Variants in CFAP20DC observed in about 807,000 individuals in gnomAD.
CFAP20DC encodes the protein CFAP20 domain containing.
A neutral mutation model predicts 101.7 loss-of-function variants in CFAP20DC; 84 were observed. The ratio of observed to expected loss-of-function variants is 0.83; its 90% CI spans 0.69 to 0.99. The LOEUF (loss-of-function observed/expected upper bound fraction) is 0.99, where lower values mean the gene tolerates loss of function less well. Ranked by LOEUF, CFAP20DC falls within the 50% of genes least tolerant of loss-of-function variation. The pLI is 0.00. For synonymous variants in CFAP20DC, 359 were observed against 351.2 expected (o/e 1.02, Z -0.25); for missense variants, 1,007 against 970.3 (o/e 1.04, Z -0.50).
intron 15 of CFAP20DC, among the ~76,000 whole-genome samples, chr3:58,764,167 G>C (rs2070013929): frequency 6.6e-6 from 1 of 152,202 alleles, no homozygotes. Context: ...GCCTCCGTGA[G>C]CTGCAGTGGG....
chr3:58,995,764 GCTCT>G (rs981148347), intron 4 of CFAP20DC, among the ~76,000 whole-genome samples: 1 of 152,144 alleles, frequency 6.6e-6, no homozygotes, highest in African/African-American at 2.4e-5. Context: ...GGGAGAATTT[GCTCT>G]CTCTGTCTTT....
intron 3 of CFAP20DC, among the ~76,000 whole-genome samples, chr3:58,734,217 T>C (rs1482338753): frequency 1.3e-5 from 2 of 152,242 alleles, no homozygotes; most frequent in Non-Finnish European, 2.9e-5. Context: ...ATGAGGCCTC[T>C]CAGCCATGCT....
At chr3:58,751,644 A>G (rs1388266847) in intron 16 of CFAP20DC, among the ~76,000 whole-genome samples, 1 of 152,166 alleles carries the variant, frequency 6.6e-6, no homozygotes, top group African/African-American at 2.4e-5. Flanking sequence ...ATAATATTTC[A>G]ACTCCTGGTT....
At chr3:58,976,731 T>G (rs1457447289) in intron 4 of CFAP20DC, among the ~76,000 whole-genome samples, 1 of 152,196 alleles carries the variant, frequency 6.6e-6, no homozygotes, top group Non-Finnish European at 1.5e-5. Context: ...TGCATGGGTT[T>G]TCTCTGTGCA....
intron 3 of CFAP20DC, among the ~76,000 whole-genome samples, chr3:59,041,059 T>G (rs1699333112): frequency 6.6e-6 from 1 of 152,080 alleles, no homozygotes; most frequent in Non-Finnish European, 1.5e-5. Context: ...TGAGGCCAAC[T>G]TAAATAAACC....
chr3:58,931,921 G>A lies in CFAP20DC; in HGVS notation c.393+5727C>T, dbSNP rs1003323043. ...CTCCAGCAACGGAACAAAGCTGGAC[G>A]GAGAATGACTTTGACGAGTTGAGGA... On this transcript the variant is annotated intron_variant, in intron 5 of 16. Coordinates refer to ENST00000482387, the MANE Select transcript of CFAP20DC (RefSeq NM_001394063.1). Among the ~76,000 whole-genome samples the A allele has an allele frequency of 4.6e-5, 7 of 152,240 alleles. No individual in the cohort carries two copies. In the South Asian group the frequency reaches 6.2e-4, roughly 14 times the overall value.
At chr3:58,811,833 T>C (rs1174363644) in intron 14 of CFAP20DC, among the ~76,000 whole-genome samples, 1 of 149,638 alleles carries the variant, frequency 6.7e-6, no homozygotes, top group Non-Finnish European at 1.5e-5. Flanking sequence ...ATCCAGAATC[T>C]ACAATGAGCC....
intron 15 of CFAP20DC, among the ~76,000 whole-genome samples, chr3:58,770,951 C>T (rs957898734): frequency 1.3e-5 from 2 of 152,194 alleles, no homozygotes; most frequent in South Asian, 2.1e-4. Flanking sequence ...CACATGCCCA[C>T]GTATGTTTAT....
At chr3:58,998,966 C>T (rs1301607055) in intron 4 of CFAP20DC, among the ~76,000 whole-genome samples, 1 of 152,218 alleles carries the variant, frequency 6.6e-6, no homozygotes, top group African/African-American at 2.4e-5. Flanking sequence ...AGCTGGTGGA[C>T]AGTTAAACTC....
chr3:58,950,520 G>C (rs1236282278), intron 4 of CFAP20DC, among the ~76,000 whole-genome samples: 1 of 152,134 alleles, frequency 6.6e-6, no homozygotes, highest in Non-Finnish European at 1.5e-5. Context: ...ACACTACAAG[G>C]CTACAGTAAC....
At chr3:58,759,853 G>T (rs558449548) in intron 15 of CFAP20DC, among the ~76,000 whole-genome samples, 5 of 152,062 alleles carry the variant, frequency 3.3e-5, no homozygotes, top group African/African-American at 7.2e-5. Context: ...GTAGATATGC[G>T]GCATTATTTC....
intron 5 of CFAP20DC, among the ~76,000 whole-genome samples, chr3:58,920,242 C>T (rs553514188): frequency 4.1e-4 from 62 of 151,960 alleles, no homozygotes; most frequent in Non-Finnish European, 6.6e-4. Context: ...AGCCATAAGC[C>T]AACATGTCTG....
At chr3:58,794,704 T>C (rs543948247) in intron 15 of CFAP20DC, among the ~76,000 whole-genome samples, 9 of 152,350 alleles carry the variant, frequency 5.9e-5, no homozygotes, top group South Asian at 2.1e-4. Context: ...TGATTTCTCC[T>C]GAGCCAGGCT....
chr3:58,796,110 T>C (rs920117901), intron 15 of CFAP20DC, among the ~76,000 whole-genome samples: 3 of 152,174 alleles, frequency 2.0e-5, no homozygotes, highest in East Asian at 1.9e-4. Flanking sequence ...GGGATACAAT[T>C]TGAGCAAACT....
chr3:58,790,290 C>T (rs1219491745), intron 15 of CFAP20DC, among the ~76,000 whole-genome samples: 4 of 152,092 alleles, frequency 2.6e-5, no homozygotes, highest in African/African-American at 9.7e-5. Context: ...TGTATTTATT[C>T]TCAGTTGTAT....
intron 4 of CFAP20DC, among the ~76,000 whole-genome samples, chr3:58,984,198 C>A (rs938780893): frequency 5.9e-5 from 9 of 152,158 alleles, no homozygotes; most frequent in African/African-American, 2.2e-4. Context: ...TAGATAAAAC[C>A]TTTCTTTTGA....
intron 15 of CFAP20DC, among the ~76,000 whole-genome samples, chr3:58,761,884 G>A (rs946330974): frequency 2.0e-5 from 3 of 152,228 alleles, no homozygotes; most frequent in African/African-American, 7.2e-5. Flanking sequence ...TAGTTTGATT[G>A]CACTGTGGTC....
chr3:58,795,957 G>A lies in CFAP20DC; in HGVS notation c.2237+10438C>T, dbSNP rs539986472. Among the ~76,000 whole-genome samples, 6 of 152,294 alleles carry A rather than the reference G, an allele frequency of 3.9e-5. No homozygotes were observed. The East Asian group carries it at 1.2e-3, about 29-fold the overall frequency. On this transcript the variant is annotated intron_variant, in intron 15 of 16. Transcript: ENST00000482387. This position sits in a 1 kb window ranked among gnomAD's most constrained non-coding sequence, Gnocchi z 4.2. ...TCAACTAAGGAAACTGGAGGGTGGG[G>A]TTAGCTGATGCTCAGGCAGGCGGGT...
Position 58,805,173 on chromosome 3 carries a change from G to A in CFAP20DC, c.2237+1222C>T, listed in dbSNP as rs192666863. ...CTTTCTTGAAAAAGGAAGTTCAGACGTAGTCTGTTAGCCTCTACATGTATA... is the reference window on the plus strand; with the variant it reads ...CTTTCTTGAAAAAGGAAGTTCAGACATAGTCTGTTAGCCTCTACATGTATA... On this transcript the variant is annotated intron_variant, in intron 15 of 16. Transcript: ENST00000482387. 9.9e-5 allele frequency among the ~76,000 whole-genome samples: 15 copies of A among 152,268 alleles called. No homozygotes were observed. In the East Asian group the frequency reaches 1.7e-3, roughly 18 times the overall value.
Sources: allele counts gnomAD v4.1 joint callset (sites outside exome capture counted in the v4.1 genomes callset), GRCh38; gene constraint gnomAD v4.1.1; non-coding constraint Gnocchi (gnomAD v3.1); transcripts MANE v1.5; gene names NCBI Gene and HGNC (gene_info 2026-07-23, HGNC 2026-07-21).